Variants in NRG3 observed in about 807,000 individuals in gnomAD.
NRG3 encodes pro-neuregulin-3, membrane-bound isoform.
A neutral mutation model predicts 66.9 loss-of-function variants in NRG3; 31 were observed. The ratio of observed to expected loss-of-function variants is 0.46; its 90% confidence interval spans 0.35 to 0.63. The LOEUF (loss-of-function observed/expected upper bound fraction) is 0.63, where lower values mean the gene tolerates loss of function less well. Ranked by LOEUF, NRG3 falls within the 20% of genes least tolerant of loss-of-function variation. The probability of loss-of-function intolerance (pLI) is 0.00; values close to 1 mark genes in which losing one functional copy is unlikely to be tolerated. For missense variants in NRG3, 910 were observed against 878.9 expected, an observed-to-expected ratio of 1.04 and a Z score of -0.45; for synonymous variants, 393 against 359.4, an observed-to-expected ratio of 1.09 and a Z score of -1.06.
intron 1 of NRG3, among the ~76,000 whole-genome samples, chr10:81,935,325 C>T (rs1847758628): frequency 6.6e-6 from 1 of 152,114 alleles, no homozygotes. Flanking sequence ...CAATGGAGTT[C>T]TGTCATTATA....
rs778469001 is a variant in NRG3, at chr10:82,436,401, A to G, written c.953+77533A>G. 2.6e-5 allele frequency among the ~76,000 whole-genome samples: 4 copies of G among 151,946 alleles called. No homozygotes were observed. The South Asian group carries it at 6.2e-4, about 24-fold the overall frequency. On this transcript the variant is annotated intron_variant, in intron 2 of 8. Transcript: ENST00000372141. Reference sequence around the variant, plus strand: ...CCATTTGCTTGGTAAATTTTCCTCTATCCCTTTATTTTGAGCCTGTGTGTG... The same window carrying G: ...CCATTTGCTTGGTAAATTTTCCTCTGTCCCTTTATTTTGAGCCTGTGTGTG...
rs1259910279 is a variant in NRG3, at chr10:82,478,275, T to C, written c.953+119407T>C. ...TTTTTTTTTTAATTTATTTTTTTATTGATAATTCTTGGGTGTTTCTCACAG... is the reference window on the plus strand; with the variant it reads ...TTTTTTTTTTAATTTATTTTTTTATCGATAATTCTTGGGTGTTTCTCACAG... On this transcript the variant is annotated intron_variant, in intron 2 of 8. Coordinates refer to ENST00000372141, the MANE Select transcript of NRG3 (RefSeq NM_001010848.4). Among the ~76,000 whole-genome samples the C allele has an allele frequency of 4.4e-4, 8 of 18,332 alleles. 3 individuals carry two copies. Among genetic ancestry groups the C allele is most frequent in the Non-Finnish European group, 2.0e-3 (8 of 3,940 alleles). The allele number at this position is 18,332 out of a possible 152,430, so 12.0% of individuals were successfully genotyped here. A position where few individuals can be genotyped will look rare whatever the true frequency, so the allele number is the denominator to read the frequency against.
intron 2 of NRG3, among the ~76,000 whole-genome samples, chr10:82,523,389 G>T (rs891842424): frequency 1.3e-5 from 2 of 152,046 alleles, no homozygotes; most frequent in Admixed American, 1.3e-4. Flanking sequence ...GTACTTGAGG[G>T]TTCCAATTTC....
chr10:82,349,015 GTCC>G (rs1182315416), intron 1 of NRG3, among the ~76,000 whole-genome samples: 5 of 151,852 alleles, frequency 3.3e-5, no homozygotes, highest in Non-Finnish European at 7.4e-5. Context: ...TGGTTTGAAT[GTCC>G]TCCTGTAGCT....
At chr10:82,087,212 TTAAGACTTTATGGACA>T (rs778010341) in intron 1 of NRG3, among the ~76,000 whole-genome samples, 310 of 14,810 alleles carry the variant, frequency 0.021, no homozygotes, top group Non-Finnish European at 0.041. Context: ...GACAATTGTA[TTAAGACTTTATGGACA>T]TAAGACCTAA....
chr10:82,319,881 G>A (rs78314449), intron 1 of NRG3, among the ~76,000 whole-genome samples: 1,933 of 152,258 alleles, frequency 0.013, 18 homozygotes, highest in Non-Finnish European at 0.02. Context: ...AAAGAATTTG[G>A]TTTCTTGGCT....
intron 3 of NRG3, among the ~76,000 whole-genome samples, chr10:82,814,574 C>G (rs1200536972): frequency 6.6e-6 from 1 of 152,102 alleles, no homozygotes; most frequent in African/African-American, 2.4e-5. Context: ...CATGATGCCT[C>G]TATAGTAGAA....
Position 81,983,471 on chromosome 10 carries a change from T to C in NRG3, c.823+107308T>C, listed in dbSNP as rs111629724. On this transcript the variant is annotated intron_variant, in intron 1 of 8. Coordinates refer to ENST00000372141, the MANE Select transcript of NRG3 (RefSeq NM_001010848.4). ...CTTTTAGGTGCCAGACTGTTTTCTT[T>C]TGGAATGTATTTTTGTGTGATGCAA... Among the ~76,000 whole-genome samples the C allele has an allele frequency of 4.1e-3, 631 of 152,242 alleles. 3 individuals carry two copies. Among genetic ancestry groups the C allele is most frequent in the African/African-American group, 0.014 (592 of 41,520 alleles).
intron 1 of NRG3, among the ~76,000 whole-genome samples, chr10:82,208,237 G>A (rs1181771062): frequency 6.6e-6 from 1 of 152,034 alleles, no homozygotes; most frequent in Non-Finnish European, 1.5e-5. Flanking sequence ...ACTCAGTTTT[G>A]GACTATGTAA....
chr10:82,473,653 G>A (rs904253056), intron 2 of NRG3, among the ~76,000 whole-genome samples: 3 of 152,088 alleles, frequency 2.0e-5, no homozygotes, highest in African/African-American at 4.8e-5. Context: ...TCCCAGTGTC[G>A]TTCAGCACAG....
chr10:82,643,563 T>G (rs1346153439), intron 2 of NRG3, among the ~76,000 whole-genome samples: 1 of 152,144 alleles, frequency 6.6e-6, no homozygotes, highest in Non-Finnish European at 1.5e-5. Flanking sequence ...TATTGCTTAT[T>G]AAATAGATCA....
intron 2 of NRG3, among the ~76,000 whole-genome samples, chr10:82,531,624 A>G (rs1456673050): frequency 6.6e-6 from 1 of 151,880 alleles, no homozygotes; most frequent in African/African-American, 2.4e-5. Context: ...CAGTTTACAC[A>G]TTAAATCACG....
rs2067268001 is a variant in NRG3, at chr10:82,109,645, C to T, written c.823+233482C>T. ...CTTAAAGCACCAGGTTACACTGAGTCATTAGCTAGATATTTATGTTTATAC... is the reference window on the plus strand; with the variant it reads ...CTTAAAGCACCAGGTTACACTGAGTTATTAGCTAGATATTTATGTTTATAC... On this transcript the variant is annotated intron_variant, in intron 1 of 8. Transcript: ENST00000372141. Among the ~76,000 whole-genome samples, 5 of 151,440 alleles carry T rather than the reference C, an allele frequency of 3.3e-5. No individual in the cohort carries two copies. The Admixed American group carries it at 3.3e-4, about 10-fold the overall frequency.
chr10:82,797,839 A>C (rs925526365), intron 3 of NRG3, among the ~76,000 whole-genome samples: 1 of 152,160 alleles, frequency 6.6e-6, no homozygotes, highest in African/African-American at 2.4e-5. Context: ...CTGAAGTTGC[A>C]TATTTGACCT....
chr10:82,906,748 T>C (rs1290940660), intron 4 of NRG3, among the ~76,000 whole-genome samples: 1 of 152,178 alleles, frequency 6.6e-6, no homozygotes, highest in Non-Finnish European at 1.5e-5. Context: ...CAACATTTTT[T>C]TTTCATCATT....
chr10:82,791,582 A>G (rs1368753642), intron 3 of NRG3, among the ~76,000 whole-genome samples: 1 of 152,156 alleles, frequency 6.6e-6, no homozygotes, highest in African/African-American at 2.4e-5. Context: ...GACAGAGGTG[A>G]GAGAGTAGGG....
intron 2 of NRG3, among the ~76,000 whole-genome samples, chr10:82,571,756 T>TC (rs2045749408): frequency 6.6e-6 from 1 of 151,720 alleles, no homozygotes; most frequent in Non-Finnish European, 1.5e-5. Context: ...ATCTGTGTGT[T>TC]CAAGTGGTAA....
intron 2 of NRG3, among the ~76,000 whole-genome samples, chr10:82,512,410 CA>C (rs1213004055): frequency 2.0e-5 from 3 of 151,992 alleles, no homozygotes; most frequent in African/African-American, 7.2e-5. Flanking sequence ...CTCAGCCTCC[CA>C]AGTAGCTGAG....
chr10:82,107,163 G>GT (rs1423492037), intron 1 of NRG3, among the ~76,000 whole-genome samples: 2 of 152,226 alleles, frequency 1.3e-5, no homozygotes, highest in Middle Eastern at 3.4e-3. Context: ...ACACTTACTG[G>GT]TTAACCATCC....
Sources: allele counts gnomAD v4.1 joint callset (sites outside exome capture counted in the v4.1 genomes callset), GRCh38; gene constraint gnomAD v4.1.1; transcripts MANE v1.5; gene names NCBI Gene and HGNC (gene_info 2026-07-23, HGNC 2026-07-21).